Variants in TBC1D22A observed in about 807,000 individuals in gnomAD.
TBC1D22A encodes the protein TBC1 domain family member 22A.
A neutral mutation model predicts 60.2 loss-of-function variants in TBC1D22A; 38 were observed. The ratio of observed to expected loss-of-function variants is 0.63; its 90% confidence interval spans 0.49 to 0.83. The LOEUF is 0.83. TBC1D22A is among the 40% of genes least tolerant of loss of function. The probability of loss-of-function intolerance (pLI) is 0.00; values close to 1 mark genes in which losing one functional copy is unlikely to be tolerated. For missense variants in TBC1D22A, 628 were observed against 701.0 expected, an observed-to-expected ratio of 0.90 and a Z score of 1.18; for synonymous variants, 302 against 281.7, an observed-to-expected ratio of 1.07 and a Z score of -0.72.
chr22:46,997,593 AT>A, intron 9 of TBC1D22A, 40 bp from the exon 10 acceptor site: 1 of 1,544,994 alleles, frequency 6.5e-7, no homozygotes, highest in Non-Finnish European at 8.9e-7. Flanking sequence ...AGTTTGTTTT[AT>A]TTTATATGCA....
At chr22:46,956,863 T>G (rs567825469) in intron 8 of TBC1D22A, among the ~76,000 whole-genome samples, 2 of 152,228 alleles carry the variant, frequency 1.3e-5, no homozygotes, top group African/African-American at 2.4e-5. Flanking sequence ...GCACAGACTT[T>G]CCGGGATTTA....
intron 4 of TBC1D22A, among the ~76,000 whole-genome samples, chr22:46,864,103 C>A (rs1218616896): frequency 2.0e-5 from 3 of 152,224 alleles, no homozygotes; most frequent in Non-Finnish European, 4.4e-5. Context: ...GTGCATATTC[C>A]TTCCTATTTG....
chr22:47,161,067 C>A (rs1037025561), intron 12 of TBC1D22A, among the ~76,000 whole-genome samples: 2 of 152,246 alleles, frequency 1.3e-5, no homozygotes, highest in Admixed American at 1.3e-4. Flanking sequence ...CAGGCCCTGC[C>A]TCCCAGCTGG....
At position 46,777,785 on chromosome 22, in the gene TBC1D22A, G is replaced by T. The variant is rs1601822472; in HGVS notation, c.63-14735G>T. Among the ~76,000 whole-genome samples the T allele has an allele frequency of 6.6e-6, 1 of 152,312 alleles. No individual in the cohort carries two copies. Among genetic ancestry groups the T allele is most frequent in the East Asian group, 1.9e-4 (1 of 5,182 alleles). On this transcript the variant is annotated intron_variant, in intron 1 of 12. Coordinates refer to ENST00000337137, the MANE Select transcript of TBC1D22A (RefSeq NM_014346.5). The surrounding 1 kb of genome is among the most constrained non-coding windows in gnomAD (Gnocchi z 4.5). ...GGCTGGCTGCCAGGGTGGCGGAGCC[G>T]CTCCGAAAGTCATGCATCACTTAGC...
intron 9 of TBC1D22A, among the ~76,000 whole-genome samples, chr22:46,986,119 C>T (rs1390238485): frequency 6.6e-6 from 1 of 152,106 alleles, no homozygotes; most frequent in East Asian, 1.9e-4. Flanking sequence ...TTCATTTTTT[C>T]CTCTACAGAT....
chr22:46,960,922 T>G (rs1156336992), intron 8 of TBC1D22A, among the ~76,000 whole-genome samples: 2 of 119,390 alleles, frequency 1.7e-5, no homozygotes, highest in African/African-American at 3.4e-5. Context: ...GCCACTACAC[T>G]CCAGCCTGGG....
At chr22:46,767,785 T>G in intron 1 of TBC1D22A, among the ~76,000 whole-genome samples, 1 of 149,926 alleles carries the variant, frequency 6.7e-6, no homozygotes, top group Non-Finnish European at 1.5e-5. Context: ...GGCAGAGGAG[T>G]GAGCAGGTGC....
At chr22:46,796,378 G>A (rs764101805) in intron 3 of TBC1D22A, among the ~76,000 whole-genome samples, 4 of 152,170 alleles carry the variant, frequency 2.6e-5, no homozygotes, top group Non-Finnish European at 4.4e-5. Flanking sequence ...AGGAGGGCGC[G>A]GGGGAGTGCG....
Position 47,044,401 on chromosome 22 carries a change from G to A in TBC1D22A, c.1329+7203G>A, listed in dbSNP as rs143776778. Among the ~76,000 whole-genome samples, 667 of 152,328 alleles carry A rather than the reference G, an allele frequency of 4.4e-3. 4 individuals are homozygous for A. The highest frequency in any genetic ancestry group is 7.1e-3 in the Non-Finnish European group (484 of 68,034). The stretch of plus-strand genomic sequence containing the variant: ...CTCCACTTGCCCTTGCCAAGCCTGG[G>A]TGAGGGTGGACAGCGTGCTCCAAGT... On this transcript the variant is annotated intron_variant, in intron 11 of 12. Transcript: ENST00000337137.
intron 1 of TBC1D22A, among the ~76,000 whole-genome samples, chr22:46,792,055 C>G (rs1157214508): frequency 6.6e-6 from 1 of 152,226 alleles, no homozygotes. Context: ...GCTACCGTGC[C>G]AAGCCTGTTC....
chr22:47,022,275 ATGT>A (rs2062115595), intron 10 of TBC1D22A, among the ~76,000 whole-genome samples: 1 of 152,226 alleles, frequency 6.6e-6, no homozygotes, highest in South Asian at 2.1e-4. Flanking sequence ...GGAAAAAAAT[ATGT>A]GAAACAATGG....
chr22:47,138,958 G>A (rs1052480272), intron 12 of TBC1D22A, among the ~76,000 whole-genome samples: 2 of 152,222 alleles, frequency 1.3e-5, no homozygotes, highest in African/African-American at 4.8e-5. Context: ...CTTGGCGTGA[G>A]GATTTTAACC....
chr22:46,768,216 G>A (rs1437513665), intron 1 of TBC1D22A: 2 of 152,524 alleles, frequency 1.3e-5, no homozygotes, highest in Non-Finnish European at 2.9e-5. Context: ...CGGGCGCGGT[G>A]GCTCACGCCG....
Position 47,009,911 on chromosome 22 carries a change from G to A in TBC1D22A, c.1201+12202G>A, listed in dbSNP as rs889081622. On this transcript the variant is annotated intron_variant, in intron 10 of 12. Transcript: ENST00000337137. This position sits in a 1 kb window ranked among gnomAD's most constrained non-coding sequence, Gnocchi z 5.8. ...TTCTGTCCAGCCCCCAGGGAGGTTG[G>A]TTGGAGTGGAAGACACTGGCTGAGT... Among the ~76,000 whole-genome samples, 5 of 152,232 alleles carry A rather than the reference G, an allele frequency of 3.3e-5. No homozygotes were observed. Among genetic ancestry groups the A allele is most frequent in the Admixed American group, 6.5e-5 (1 of 15,286 alleles).
chr22:46,837,021 C>T (rs1488803882), intron 4 of TBC1D22A, among the ~76,000 whole-genome samples: 2 of 149,958 alleles, frequency 1.3e-5, no homozygotes, highest in African/African-American at 2.5e-5. Context: ...ATTAGCGGGG[C>T]ATGGTGGCAC....
At chr22:46,835,279 A>G (rs2086469521) in intron 4 of TBC1D22A, among the ~76,000 whole-genome samples, 1 of 152,006 alleles carries the variant, frequency 6.6e-6, no homozygotes, top group African/African-American at 2.4e-5. Flanking sequence ...ACTGATCCCA[A>G]ACAGATGGAG....
intron 11 of TBC1D22A, among the ~76,000 whole-genome samples, chr22:47,072,467 A>T (rs1603234854): frequency 6.6e-6 from 1 of 152,236 alleles, no homozygotes; most frequent in Non-Finnish European, 1.5e-5. Context: ...TCCCAGTCCC[A>T]TCCGTGGAGT....
At chr22:47,054,988 C>T (rs952351882) in intron 11 of TBC1D22A, among the ~76,000 whole-genome samples, 2 of 152,216 alleles carry the variant, frequency 1.3e-5, no homozygotes, top group African/African-American at 2.4e-5. Context: ...CCTGACCACC[C>T]CTGCGCAGCT....
At chr22:47,171,539 G>A (rs1265844605) in intron 12 of TBC1D22A, among the ~76,000 whole-genome samples, 2 of 152,170 alleles carry the variant, frequency 1.3e-5, no homozygotes, top group East Asian at 3.9e-4. Flanking sequence ...CTGGGCTTGG[G>A]CTGGCCCTGA....
Sources: allele counts gnomAD v4.1 joint callset (sites outside exome capture counted in the v4.1 genomes callset), GRCh38; gene constraint gnomAD v4.1.1; non-coding constraint Gnocchi (gnomAD v3.1); transcripts MANE v1.5; gene names NCBI Gene and HGNC (gene_info 2026-07-23, HGNC 2026-07-21).